SNTG2: variants seen among roughly 807,000 people sequenced by gnomAD.
The protein encoded by SNTG2 is syntrophin gamma 2.
In SNTG2, 74 loss-of-function variants were observed where a neutral mutation model predicts 70.9. That is an observed-to-expected ratio of 1.04 (90% CI 0.86 to 1.27). The LOEUF (loss-of-function observed/expected upper bound fraction) is 1.27, where lower values mean the gene tolerates loss of function less well. Ranked by LOEUF, SNTG2 falls within the 50% of genes most tolerant of loss-of-function variation. SNTG2 has a pLI of 0.00. For synonymous variants in SNTG2, 278 were observed against 273.8 expected (o/e 1.02, Z -0.15); for missense variants, 717 against 690.7 (o/e 1.04, Z -0.43).
At chr2:1,281,402 T>G (rs1679528120) in intron 14 of SNTG2, among the ~76,000 whole-genome samples, 4 of 8,780 alleles carry the variant, frequency 4.6e-4, no homozygotes, top group Non-Finnish European at 9.1e-4. Context: ...TGTGTTTATG[T>G]GGTGTGTTGT....
intron 6 of SNTG2, among the ~76,000 whole-genome samples, chr2:1,144,034 T>C (rs1445264834): frequency 6.6e-6 from 1 of 152,194 alleles, no homozygotes; most frequent in Non-Finnish European, 1.5e-5. Context: ...AAGCTGTGGC[T>C]CTCAGGACAC....
At chr2:1,360,067 A>AGTACAT (rs1558231044) in intron 16 of SNTG2, among the ~76,000 whole-genome samples, 1 of 129,536 alleles carries the variant, frequency 7.7e-6, no homozygotes, top group Non-Finnish European at 1.7e-5. Context: ...GAAAAAAAAA[A>AGTACAT]GTACATTAAA....
intron 11 of SNTG2, among the ~76,000 whole-genome samples, chr2:1,241,561 G>A (rs1394060852): frequency 6.6e-6 from 1 of 151,950 alleles, no homozygotes; most frequent in Non-Finnish European, 1.5e-5. Flanking sequence ...CATGTGGTGC[G>A]CTGCACCCAG....
At chr2:1,017,406 GAC>G (rs1052279612) in intron 1 of SNTG2, among the ~76,000 whole-genome samples, 16 of 152,248 alleles carry the variant, frequency 1.1e-4, no homozygotes, top group African/African-American at 3.9e-4. Context: ...CAGGCATGCA[GAC>G]ACATGGAGCT....
chr2:1,146,813 A>G (rs1669136526), intron 6 of SNTG2, among the ~76,000 whole-genome samples: 1 of 152,192 alleles, frequency 6.6e-6, no homozygotes, highest in Non-Finnish European at 1.5e-5. Flanking sequence ...CAACAAATGG[A>G]CATCTACATG....
At chr2:1,321,692 T>C (rs561508015) in intron 16 of SNTG2, among the ~76,000 whole-genome samples, 1 of 152,298 alleles carries the variant, frequency 6.6e-6, no homozygotes, top group East Asian at 1.9e-4. Flanking sequence ...CCCATCTCCC[T>C]GTGCATGAAC....
At chr2:1,124,845 T>C (rs906769519) in intron 4 of SNTG2, among the ~76,000 whole-genome samples, 2 of 152,076 alleles carry the variant, frequency 1.3e-5, no homozygotes, top group Admixed American at 6.6e-5. Context: ...CGTGCACAAG[T>C]AGGCGAGCGA....
intron 4 of SNTG2, among the ~76,000 whole-genome samples, chr2:1,099,107 G>A (rs1342077867): frequency 6.6e-6 from 1 of 152,258 alleles, no homozygotes; most frequent in Admixed American, 6.5e-5. Flanking sequence ...TCTCCCTATC[G>A]GGAGGATTCT....
At chr2:983,765 G>A (rs562078673) in intron 1 of SNTG2, among the ~76,000 whole-genome samples, 1 of 152,204 alleles carries the variant, frequency 6.6e-6, no homozygotes, top group Non-Finnish European at 1.5e-5. Context: ...ATTGAGTAGA[G>A]GGAGATTAAA....
intron 6 of SNTG2, among the ~76,000 whole-genome samples, chr2:1,147,885 A>G (rs1669203382): frequency 6.6e-6 from 1 of 152,248 alleles, no homozygotes; most frequent in African/African-American, 2.4e-5. Flanking sequence ...ATAACCATTA[A>G]TTTTAAGTAT....
At chr2:965,933 G>A (rs1344773793) in intron 1 of SNTG2, among the ~76,000 whole-genome samples, 2 of 152,108 alleles carry the variant, frequency 1.3e-5, no homozygotes, top group Admixed American at 6.5e-5. Flanking sequence ...CCCTTAGGGC[G>A]GGCTGGGCCC....
intron 16 of SNTG2, among the ~76,000 whole-genome samples, chr2:1,362,543 G>GAACTTCCGTGAAAGTCACCGACA (rs1455566958): frequency 8.8e-6 from 1 of 114,046 alleles, no homozygotes; most frequent in African/African-American, 3.1e-5. Context: ...AGTCACCAAT[G>GAACTTCCGTGAAAGTCACCGACA]CTGAGCATTT....
chr2:1,312,426 A>G (rs916486528), intron 15 of SNTG2, among the ~76,000 whole-genome samples: 2 of 152,094 alleles, frequency 1.3e-5, no homozygotes, highest in Non-Finnish European at 2.9e-5. Context: ...GTGGGAGAGG[A>G]CATCGACAAG....
At chr2:1,281,600 G>A (rs956197990) in intron 14 of SNTG2, among the ~76,000 whole-genome samples, 1 of 151,996 alleles carries the variant, frequency 6.6e-6, no homozygotes, top group Non-Finnish European at 1.5e-5. Flanking sequence ...GTACATTGCA[G>A]GACACGTGTC....
At chr2:1,213,968 T>C (rs1198340958) in intron 9 of SNTG2, among the ~76,000 whole-genome samples, 3 of 152,210 alleles carry the variant, frequency 2.0e-5, no homozygotes, top group Non-Finnish European at 4.4e-5. Context: ...CTCCCACATG[T>C]GGATATCCAG....
chr2:1,287,453 G>A (rs771409019), intron 14 of SNTG2, among the ~76,000 whole-genome samples: 20 of 152,278 alleles, frequency 1.3e-4, no homozygotes, highest in Non-Finnish European at 2.2e-4. Context: ...TGTTCACCAC[G>A]TGTCTTGTTC....
At chr2:1,276,366 T>C (rs1290298493) in intron 14 of SNTG2, among the ~76,000 whole-genome samples, 1 of 152,200 alleles carries the variant, frequency 6.6e-6, no homozygotes, top group Non-Finnish European at 1.5e-5. Flanking sequence ...TATGGAGACT[T>C]TAAGTTGAAG....
chr2:1,258,913 A>G (rs977676657), intron 12 of SNTG2, among the ~76,000 whole-genome samples: 1 of 152,190 alleles, frequency 6.6e-6, no homozygotes, highest in Non-Finnish European at 1.5e-5. Context: ...AGTTCTAAAA[A>G]GCAAAAGACT....
At chr2:1,290,646 C>T (rs990502736) in intron 14 of SNTG2, among the ~76,000 whole-genome samples, 1 of 152,166 alleles carries the variant, frequency 6.6e-6, no homozygotes. Flanking sequence ...ACAACCAGAT[C>T]TCATGAGAAC....
Sources: allele counts gnomAD v4.1 joint callset (sites outside exome capture counted in the v4.1 genomes callset), GRCh38; gene constraint gnomAD v4.1.1; transcripts MANE v1.5; gene names NCBI Gene and HGNC (gene_info 2026-07-23, HGNC 2026-07-21).